Variants in DAPK1 observed in about 807,000 individuals in gnomAD.
DAPK1 encodes the protein death-associated protein kinase 1.
DAPK1 carries 56 observed loss-of-function variants against 144.9 expected under a neutral mutation model. The ratio of observed to expected loss-of-function variants is 0.39; its 90% CI spans 0.31 to 0.48. The LOEUF is 0.48. DAPK1 is among the 20% of genes least tolerant of loss of function. DAPK1 has a pLI of 0.95. For synonymous variants in DAPK1, 690 were observed against 749.0 expected, an observed-to-expected ratio of 0.92 and a Z score of 1.29; for missense variants, 1,454 against 1,875.4, an observed-to-expected ratio of 0.78 and a Z score of 4.15.
chr9:87,544,320 A>G (rs929547779), intron 2 of DAPK1, among the ~76,000 whole-genome samples: 2 of 152,308 alleles, frequency 1.3e-5, no homozygotes, highest in East Asian at 1.9e-4. Flanking sequence ...CCATAACTCC[A>G]CTCACTCAAA....
Position 87,643,407 on chromosome 9 carries a change from G to A in DAPK1, c.950G>A (p.Arg317Lys). ...GTTCGCTTGATATCACTGTGCCAAAGATTATCCAGGTCATTCCTGTCCAGA... is the reference window on the plus strand; with the variant it reads ...GTTCGCTTGATATCACTGTGCCAAAAATTATCCAGGTCATTCCTGTCCAGA... ...QSVRLISLCQRLSRSFLSRSN... is the reference protein window; with the variant it reads ...QSVRLISLCQKLSRSFLSRSN... Residue 317 changes from arginine (R) to lysine (K), a missense_variant, in exon 11 of 26, where the codon AGA becomes AAA. By Grantham distance (26) the Arg-to-Lys change is conservative. Around this residue, in one of 2 missense-constraint regions of DAPK1, gnomAD observed 429 missense variants for 637.5 expected, o/e 0.67. Transcript: ENST00000408954. 6.5e-7 allele frequency: 1 copy of A among 1,546,568 alleles called. No homozygotes were observed. The highest frequency in any genetic ancestry group is 8.7e-7 in the Non-Finnish European group (1 of 1,144,698).
intron 2 of DAPK1, chr9:87,525,514 A>C: frequency 2.4e-5 from 28 of 1,191,448 alleles, no homozygotes; most frequent in Non-Finnish European, 3.0e-5. Context: ...GCATATACTC[A>C]ATGAAAAACC....
At chr9:87,546,225 G>A (rs1394431086) in intron 2 of DAPK1, among the ~76,000 whole-genome samples, 2 of 152,188 alleles carry the variant, frequency 1.3e-5, no homozygotes, top group Non-Finnish European at 2.9e-5. Context: ...CAGTTCCCAA[G>A]AGGAGGAGCA....
In DAPK1 at chr9:87,706,560, C is replaced by T. The variant is rs768494372; in HGVS notation, c.3489C>T (p.Gly1163=). 18 of 1,613,316 alleles carry T rather than the reference C, an allele frequency of 1.1e-5. No homozygotes were observed. Among genetic ancestry groups the T allele is most frequent in the African/African-American group, 6.7e-5 (5 of 74,918 alleles). ...CRWIHQQSTE[G]DADIRLWVNG... is the part of the protein sequence containing the mutation. ...GGATCCACCAGCAAAGCACAGAGGG[C>T]GACGCGGACATCCGCCTGTGGGTGA... The change falls in exon 26 of 26, where the codon GGC becomes GGT. Residue 1163 remains glycine (G), a synonymous_variant. Transcript: ENST00000408954. The surrounding 1 kb of genome is among the most constrained non-coding windows in gnomAD (Gnocchi z 9.0).
intron 2 of DAPK1, among the ~76,000 whole-genome samples, chr9:87,529,259 T>A (rs1253774899): frequency 3.3e-5 from 5 of 152,224 alleles, no homozygotes; most frequent in Non-Finnish European, 7.3e-5. Flanking sequence ...CTTTCACTCC[T>A]GCTCTAAAAC....
Position 87,681,558 on chromosome 9 carries a change from G to A in DAPK1, c.2156G>A (p.Arg719His), listed in dbSNP as rs1157334009. Residue 719 changes from arginine to histidine, a missense_variant, in exon 20 of 26, where the codon CGT (arginine) becomes CAT (histidine). Around this residue, in one of 2 missense-constraint regions of DAPK1, gnomAD observed 1,025 missense variants for 1,237.9 expected, o/e 0.83. Transcript: ENST00000408954. ...CGLLRSFFRRRRPRLSSTNSS... is the reference protein window; with the variant it reads ...CGLLRSFFRRHRPRLSSTNSS... Reference sequence around the variant, plus strand: ...CTGCTGAGGAGCTTTTTCAGAAGGCGTCGGCCCAGACTGTCTTCCACCAAC... The same window carrying A: ...CTGCTGAGGAGCTTTTTCAGAAGGCATCGGCCCAGACTGTCTTCCACCAAC... 6 of 1,612,874 alleles carry A rather than the reference G, an allele frequency of 3.7e-6. No homozygotes were observed. Among genetic ancestry groups the A allele is most frequent in the Admixed American group, 1.7e-5 (1 of 59,988 alleles).
At chr9:87,507,301 C>CT (rs1824640499) in intron 2 of DAPK1, among the ~76,000 whole-genome samples, 2 of 152,212 alleles carry the variant, frequency 1.3e-5, no homozygotes. Context: ...CAACCTCCGC[C>CT]TCCTGGGTTC....
intron 3 of DAPK1, chr9:87,632,993 A>G (rs1347970949): frequency 1.4e-5 from 14 of 978,358 alleles, no homozygotes; most frequent in Non-Finnish European, 2.4e-6. Context: ...AAGGGAGATG[A>G]GTATACATTA....
chr9:87,687,221 G>C (rs888376262), intron 21 of DAPK1, among the ~76,000 whole-genome samples: 3 of 152,070 alleles, frequency 2.0e-5, no homozygotes, highest in African/African-American at 7.2e-5. Context: ...ACACTGGAAT[G>C]TATTTCTTCT....
intron 2 of DAPK1, among the ~76,000 whole-genome samples, chr9:87,531,135 A>G (rs1458744310): frequency 6.6e-6 from 1 of 152,204 alleles, no homozygotes. Context: ...ATTTAAGGAT[A>G]AAATGCTCTG....
chr9:87,702,888 C>T (rs966702514), intron 24 of DAPK1, 141 bp from the exon 25 acceptor site: 4 of 595,698 alleles, frequency 6.7e-6, no homozygotes, highest in Non-Finnish European at 1.2e-5. Context: ...GAAAAAAAAA[C>T]GTCAACAACA....
At chr9:87,535,902 G>A (rs1288865959) in intron 2 of DAPK1, among the ~76,000 whole-genome samples, 1 of 152,046 alleles carries the variant, frequency 6.6e-6, no homozygotes, top group Non-Finnish European at 1.5e-5. Flanking sequence ...ATTACATCTG[G>A]GTGCTTTTTA....
chr9:87,606,622 T>C (rs1478948723), intron 3 of DAPK1, among the ~76,000 whole-genome samples: 1 of 105,362 alleles, frequency 9.5e-6, no homozygotes, highest in Admixed American at 9.8e-5. Context: ...CCTCTCTCTC[T>C]CCCTCCTTTT....
At chr9:87,543,017 C>T (rs1334433946) in intron 2 of DAPK1, among the ~76,000 whole-genome samples, 1 of 152,220 alleles carries the variant, frequency 6.6e-6, no homozygotes. Flanking sequence ...ATTTTTATTG[C>T]TTTTGCAATG....
intron 3 of DAPK1, among the ~76,000 whole-genome samples, chr9:87,635,601 A>G (rs1341040855): frequency 6.6e-6 from 1 of 152,268 alleles, no homozygotes; most frequent in East Asian, 1.9e-4. Flanking sequence ...AAGCAGTGGT[A>G]TGCTACAGGG....
chr9:87,501,713 T>G (rs1213094115), intron 2 of DAPK1, among the ~76,000 whole-genome samples: 1 of 152,230 alleles, frequency 6.6e-6, no homozygotes, highest in Non-Finnish European at 1.5e-5. Flanking sequence ...GTTATTTTAC[T>G]TTTAGGAAAA....
chr9:87,701,744 C>G, intron 24 of DAPK1: 1 of 289,914 alleles, frequency 3.4e-6, no homozygotes, highest in Admixed American at 4.2e-5. Context: ...TTTTTAACTG[C>G]TTTGCTAATA....
intron 21 of DAPK1, 147 bp from the exon 22 acceptor site, chr9:87,696,860 C>T (rs1825276515): frequency 4.4e-6 from 3 of 680,884 alleles, no homozygotes; most frequent in South Asian, 1.7e-5. Flanking sequence ...CAAACCATAC[C>T]CAAGTCATAA....
intron 2 of DAPK1, among the ~76,000 whole-genome samples, chr9:87,500,555 AAGAG>A (rs1174812830): frequency 2.0e-5 from 3 of 152,164 alleles, no homozygotes; most frequent in Non-Finnish European, 2.9e-5. Flanking sequence ...TGTTGTTAGA[AAGAG>A]AGATGACTAA....
Sources: allele counts gnomAD v4.1 joint callset (sites outside exome capture counted in the v4.1 genomes callset), GRCh38; gene constraint gnomAD v4.1.1; regional missense constraint gnomAD v4.1.1; non-coding constraint Gnocchi (gnomAD v3.1); transcripts MANE v1.5; gene names NCBI Gene and HGNC (gene_info 2026-07-23, HGNC 2026-07-21).